The following CPA6 variants were observed in gnomAD, a reference collection of about 807,000 sequenced individuals.
The protein encoded by CPA6 is carboxypeptidase A6, also known as carboxypeptidase B.
In CPA6, 58 loss-of-function variants were observed where a neutral mutation model predicts 63.3. The observed-to-expected ratio is 0.92, with a 90% confidence interval of 0.74 to 1.14. The LOEUF (loss-of-function observed/expected upper bound fraction) is 1.14, where lower values mean the gene tolerates loss of function less well. Ranked by LOEUF, CPA6 falls within the 50% of genes most tolerant of loss-of-function variation. The pLI is 0.00. For missense variants in CPA6, 565 were observed against 526.6 expected (o/e 1.07, Z -0.71); for synonymous variants, 185 against 179.0 (o/e 1.03, Z -0.27).
chr8:67,733,846 CTTTTTTTTTTTTT>C (rs10696053), intron 1 of CPA6, among the ~76,000 whole-genome samples: 4 of 94,930 alleles, frequency 4.2e-5, no homozygotes, highest in Non-Finnish European at 7.8e-5. Flanking sequence ...GCTGCATCGT[CTTTTTTTTTTTTT>C]TTTTTTTTTG....
chr8:67,637,815 T>C (rs542539391), intron 1 of CPA6, among the ~76,000 whole-genome samples: 2 of 151,354 alleles, frequency 1.3e-5, no homozygotes, highest in Admixed American at 6.6e-5. Context: ...CTAAGAAGAT[T>C]TGGGGGCTCA....
intron 2 of CPA6, among the ~76,000 whole-genome samples, chr8:67,591,128 T>C (rs1814110753): frequency 6.6e-6 from 1 of 152,082 alleles, no homozygotes; most frequent in Non-Finnish European, 1.5e-5. Flanking sequence ...CCCAGCACCA[T>C]TTATTAAATA....
intron 2 of CPA6, among the ~76,000 whole-genome samples, chr8:67,618,217 C>G (rs755773605): frequency 3.9e-5 from 6 of 152,196 alleles, no homozygotes; most frequent in Non-Finnish European, 7.3e-5. Flanking sequence ...TACAATCACA[C>G]GATCAGATTC....
At chr8:67,584,438 T>C (rs1484836756) in intron 2 of CPA6, among the ~76,000 whole-genome samples, 4 of 152,168 alleles carry the variant, frequency 2.6e-5, no homozygotes, top group Non-Finnish European at 5.9e-5. Flanking sequence ...TGTGAAGGAA[T>C]GCTAGGAGTG....
chr8:67,426,738 A>C (rs1384035232), intron 10 of CPA6, among the ~76,000 whole-genome samples: 2 of 152,188 alleles, frequency 1.3e-5, no homozygotes, highest in Non-Finnish European at 2.9e-5. Flanking sequence ...ACACATATAC[A>C]TACAACATGT....
At chr8:67,534,825 G>A (rs897498911) in intron 2 of CPA6, among the ~76,000 whole-genome samples, 2 of 151,900 alleles carry the variant, frequency 1.3e-5, no homozygotes, top group South Asian at 2.1e-4. Context: ...CCATCAACCC[G>A]TCATCTATAT....
chr8:67,484,225 G>A (rs572196540), intron 7 of CPA6, among the ~76,000 whole-genome samples: 17 of 151,978 alleles, frequency 1.1e-4, no homozygotes, highest in South Asian at 2.1e-4. Context: ...GCCCGCCACC[G>A]CGCCCGGCTA....
At chr8:67,603,083 A>G (rs1216159623) in intron 2 of CPA6, among the ~76,000 whole-genome samples, 1 of 152,230 alleles carries the variant, frequency 6.6e-6, no homozygotes, top group African/African-American at 2.4e-5. Flanking sequence ...CTGAAAAGAA[A>G]TAAGTTCCTA....
intron 2 of CPA6, among the ~76,000 whole-genome samples, chr8:67,532,382 T>C (rs1465662057): frequency 3.6e-5 from 5 of 137,580 alleles, no homozygotes; most frequent in South Asian, 2.6e-4. Context: ...GCCGGTGTAA[T>C]TGAAAACTTA....
intron 1 of CPA6, chr8:67,735,239 G>A (rs1239496156): frequency 1.3e-5 from 2 of 152,162 alleles, no homozygotes; most frequent in Non-Finnish European, 2.9e-5. Flanking sequence ...GACACAGACT[G>A]TCGTTTCCTC....
intron 1 of CPA6, among the ~76,000 whole-genome samples, chr8:67,698,513 A>C (rs974483903): frequency 2.0e-5 from 3 of 152,254 alleles, no homozygotes; most frequent in African/African-American, 7.2e-5. Flanking sequence ...TTTGTGACCA[A>C]GAAAGTTTGG....
chr8:67,706,232 A>G (rs1398768319), intron 1 of CPA6, among the ~76,000 whole-genome samples: 1 of 152,228 alleles, frequency 6.6e-6, no homozygotes, highest in Non-Finnish European at 1.5e-5. Flanking sequence ...ATTAAATTCT[A>G]GGTAAGGACT....
chr8:67,702,366 C>T (rs992517251), intron 1 of CPA6, among the ~76,000 whole-genome samples: 1 of 152,114 alleles, frequency 6.6e-6, no homozygotes, highest in African/African-American at 2.4e-5. Context: ...TCCCATGTAG[C>T]TTTATCATGT....
In CPA6 at chr8:67,727,037, T is replaced by C. The variant is rs764005197; in HGVS notation, c.116+18977A>G. On this transcript the variant is annotated intron_variant, in intron 1 of 10. Coordinates refer to ENST00000297770, the MANE Select transcript of CPA6 (RefSeq NM_020361.5). ...GCAATTCTTGCTATAGGGTTGATTT[T>C]TTAAAAATCTTTTTGAGAATTTACA... Among the ~76,000 whole-genome samples, 31 of 152,228 alleles carry C rather than the reference T, an allele frequency of 2.0e-4. 1 individual carries two copies. The highest frequency in any genetic ancestry group is 3.7e-4 in the Non-Finnish European group (25 of 68,030).
chr8:67,491,981 T>C (rs771170111), intron 6 of CPA6, among the ~76,000 whole-genome samples: 7 of 152,246 alleles, frequency 4.6e-5, no homozygotes, highest in Admixed American at 1.3e-4. Context: ...AGTTGTGTTG[T>C]GTCCTTGTTT....
intron 1 of CPA6, among the ~76,000 whole-genome samples, chr8:67,715,518 T>C (rs1270580003): frequency 1.3e-5 from 2 of 152,228 alleles, no homozygotes; most frequent in African/African-American, 4.8e-5. Flanking sequence ...TGTGTTTACC[T>C]CTGTGATTGC....
chr8:67,736,304 T>C (rs2623854), intron 1 of CPA6, among the ~76,000 whole-genome samples: 124,577 of 152,156 alleles, frequency 0.82, 51,223 homozygotes, highest in Admixed American at 0.86. Flanking sequence ...GCTCCCCACA[T>C]TGCCCTCACC....
chr8:67,699,139 C>T (rs1816968065), intron 1 of CPA6, among the ~76,000 whole-genome samples: 1 of 152,134 alleles, frequency 6.6e-6, no homozygotes, highest in Non-Finnish European at 1.5e-5. Flanking sequence ...GGTTACAGGC[C>T]AGGTTTAGTG....
At chr8:67,577,792 C>A (rs931031965) in intron 2 of CPA6, among the ~76,000 whole-genome samples, 1 of 152,098 alleles carries the variant, frequency 6.6e-6, no homozygotes, top group African/African-American at 2.4e-5. Context: ...CAGGCAGAAC[C>A]ACCCTGAATG....
Sources: allele counts gnomAD v4.1 joint callset (sites outside exome capture counted in the v4.1 genomes callset), GRCh38; gene constraint gnomAD v4.1.1; transcripts MANE v1.5; gene names NCBI Gene and HGNC (gene_info 2026-07-23, HGNC 2026-07-21).